Variants in SMURF1 observed in about 807,000 individuals in gnomAD.
SMURF1 encodes E3 ubiquitin-protein ligase SMURF1.
Under a neutral mutation model 98.0 loss-of-function variants are expected in SMURF1, and 44 were observed. The ratio of observed to expected loss-of-function variants is 0.45; its 90% CI spans 0.35 to 0.58. The LOEUF (loss-of-function observed/expected upper bound fraction) is 0.58, where lower values mean the gene tolerates loss of function less well. Ranked by LOEUF, SMURF1 falls within the 20% of genes least tolerant of loss-of-function variation. The pLI is 0.00. For synonymous variants in SMURF1, 396 were observed against 374.9 expected, an observed-to-expected ratio of 1.06 and a Z score of -0.65; for missense variants, 687 against 938.4, an observed-to-expected ratio of 0.73 and a Z score of 3.50.
At chr7:99,096,200 G>C (rs1425975847) in intron 1 of SMURF1, among the ~76,000 whole-genome samples, 1 of 152,184 alleles carries the variant, frequency 6.6e-6, no homozygotes, top group Non-Finnish European at 1.5e-5. Flanking sequence ...CCAGGCTCCA[G>C]GTGGCCACCT....
chr7:99,057,381 G>C (rs1445162888), intron 4 of SMURF1, 37 bp downstream of exon 4: 5 of 1,612,046 alleles, frequency 3.1e-6, no homozygotes, highest in Non-Finnish European at 4.2e-6. Flanking sequence ...AGCTTTCTTT[G>C]GTTGCATTAA....
intron 7 of SMURF1, 69 bp downstream of exon 7, chr7:99,052,132 CAAAA>C (rs371032343): frequency 1.0e-4 from 135 of 1,315,440 alleles, no homozygotes; most frequent in Admixed American, 3.9e-4. Flanking sequence ...GACCTTGTCT[CAAAA>C]AAAAAAAAAA....
intron 5 of SMURF1, among the ~76,000 whole-genome samples, chr7:99,055,704 C>T (rs1795860508): frequency 6.6e-6 from 1 of 152,026 alleles, no homozygotes; most frequent in South Asian, 2.1e-4. Flanking sequence ...GTGGCTCACA[C>T]CTGTAATACC....
At chr7:99,097,044 G>A (rs960902625) in intron 1 of SMURF1, among the ~76,000 whole-genome samples, 2 of 151,800 alleles carry the variant, frequency 1.3e-5, no homozygotes, top group African/African-American at 4.8e-5. Flanking sequence ...GGGTGACAGG[G>A]AAGGTCTCAA....
intron 1 of SMURF1, among the ~76,000 whole-genome samples, chr7:99,086,957 G>T (rs1476713318): frequency 6.6e-6 from 1 of 152,136 alleles, no homozygotes; most frequent in Non-Finnish European, 1.5e-5. Flanking sequence ...TTTCTTTTTC[G>T]GGTGATGAAA....
In SMURF1 at chr7:99,038,545, G is replaced by C. The variant is rs747988353; in HGVS notation, c.1551-20C>G. 2.7e-5 allele frequency: 44 copies of C among 1,612,330 alleles called. No individual in the cohort carries two copies. The highest frequency in any genetic ancestry group is 3.5e-5 in the Non-Finnish European group (41 of 1,179,144). On this transcript the variant is annotated intron_variant, in intron 13 of 17. Coordinates refer to ENST00000361368, the MANE Select transcript of SMURF1 (RefSeq NM_181349.3). ...TTCTCTCTGTTGAAATAAGACAGAA[G>C]GATGTAGGTTAGAACTCTGCCACCA... is the stretch of plus-strand genomic sequence containing the variant.
chr7:99,076,403 T>C (rs1384766901), intron 1 of SMURF1, among the ~76,000 whole-genome samples: 1 of 152,250 alleles, frequency 6.6e-6, no homozygotes, highest in African/African-American at 2.4e-5. Flanking sequence ...ATGAGAATGG[T>C]ACTTCACTTC....
intron 3 of SMURF1, 52 bp from the exon 4 acceptor site, chr7:99,057,603 T>C: frequency 7.0e-7 from 1 of 1,422,740 alleles, no homozygotes; most frequent in South Asian, 1.5e-5. Flanking sequence ...TTTTTTTGTT[T>C]TGTTTTTTTT....
intron 1 of SMURF1, among the ~76,000 whole-genome samples, chr7:99,112,613 G>A (rs940291050): frequency 6.6e-6 from 1 of 152,036 alleles, no homozygotes; most frequent in Non-Finnish European, 1.5e-5. Flanking sequence ...AAAAAACTAT[G>A]GCCTATACCC....
intron 1 of SMURF1, among the ~76,000 whole-genome samples, chr7:99,107,082 T>C (rs758158129): frequency 6.6e-6 from 1 of 152,192 alleles, no homozygotes; most frequent in Non-Finnish European, 1.5e-5. Context: ...TGAACAAAGA[T>C]GACTCACTGC....
intron 1 of SMURF1, among the ~76,000 whole-genome samples, chr7:99,139,623 A>C (rs376965579): frequency 6.6e-6 from 1 of 152,230 alleles, no homozygotes; most frequent in Non-Finnish European, 1.5e-5. Flanking sequence ...TTTTTCAATC[A>C]AAATGTTTCT....
intron 1 of SMURF1, among the ~76,000 whole-genome samples, chr7:99,101,800 CGTG>C (rs1199507813): frequency 3.3e-5 from 5 of 151,940 alleles, no homozygotes; most frequent in Non-Finnish European, 2.9e-5. Flanking sequence ...ATTAGCCAGG[CGTG>C]GTGGTGTGCG....
At chr7:99,032,895 T>A in intron 17 of SMURF1, 142 bp downstream of exon 17, 1 of 1,001,220 alleles carries the variant, frequency 1.0e-6, no homozygotes, top group South Asian at 1.6e-5. Flanking sequence ...CTGTCTCAGG[T>A]GCTGTGGCTT....
chr7:99,059,602 A>C (rs1397688457), intron 3 of SMURF1, among the ~76,000 whole-genome samples: 1 of 152,082 alleles, frequency 6.6e-6, no homozygotes, highest in East Asian at 1.9e-4. Flanking sequence ...CAACAGAAAC[A>C]TACAGTCATA....
chr7:99,142,484 G>A (rs1178438286), intron 1 of SMURF1, among the ~76,000 whole-genome samples: 6 of 151,522 alleles, frequency 4.0e-5, no homozygotes, highest in Non-Finnish European at 8.8e-5. Context: ...AGGACTGGGA[G>A]CAGCTACAAG....
intron 17 of SMURF1, 156 bp from the exon 18 acceptor site, chr7:99,030,839 C>G: frequency 7.2e-6 from 4 of 558,950 alleles, no homozygotes; most frequent in Non-Finnish European, 1.3e-5. Context: ...CTGTGTTTTT[C>G]TGCTTCTAAT....
intron 13 of SMURF1, among the ~76,000 whole-genome samples, chr7:99,039,947 A>C (rs1266946246): frequency 4.6e-5 from 7 of 152,094 alleles, no homozygotes; most frequent in Admixed American, 1.3e-4. Context: ...GTGTAGGTTA[A>C]CTGGAGATGC....
chr7:99,089,254 T>G (rs1359707977), intron 1 of SMURF1, among the ~76,000 whole-genome samples: 1 of 151,644 alleles, frequency 6.6e-6, no homozygotes, highest in Non-Finnish European at 1.5e-5. Flanking sequence ...ACACCGCATA[T>G]CCCAGGGTCC....
In SMURF1 at chr7:99,030,063, G is replaced by A. The variant is rs1321588777; in HGVS notation, c.*521C>T. 1 of 153,820 alleles carries A rather than the reference G, an allele frequency of 6.5e-6. No individual in the cohort carries two copies. Among genetic ancestry groups the A allele is most frequent in the Non-Finnish European group, 1.4e-5 (1 of 68,966 alleles). 9.5% of individuals were successfully genotyped at this position (153,820 alleles called of 1,614,324 possible). The stretch of plus-strand genomic sequence containing the variant: ...TATAGTTATTTTCCAGTTGGAAATT[G>A]ATCTGCTACCCAGAACCGGCTGCTG... On this transcript the variant is annotated 3_prime_UTR_variant, in exon 18 of 18. Transcript: ENST00000361368.
Sources: gnomAD v4.1 joint callset for allele counts (sites outside exome capture counted in the v4.1 genomes callset) on GRCh38, gnomAD v4.1.1 for gene constraint, MANE v1.5 for transcripts, NCBI Gene and HGNC (gene_info 2026-07-23, HGNC 2026-07-21) for gene names.